RGL1: variants seen among roughly 807,000 people sequenced by gnomAD.
The protein encoded by RGL1 is ral guanine nucleotide dissociation stimulator-like 1.
RGL1 carries 24 observed loss-of-function variants against 95.2 expected under a neutral mutation model. That is an observed-to-expected ratio of 0.25 (90% CI 0.18 to 0.35). The LOEUF (loss-of-function observed/expected upper bound fraction) is 0.35, where lower values mean the gene tolerates loss of function less well. RGL1 is among the 10% of genes least tolerant of loss of function. The pLI, the probability that RGL1 is intolerant of heterozygous loss-of-function variation, is 1.00. For synonymous variants in RGL1, 329 were observed against 344.9 expected (o/e 0.95, Z 0.51); for missense variants, 715 against 936.3 (o/e 0.76, Z 3.08).
chr1:183,845,777 C>A (rs1008164911), intron 2 of RGL1, among the ~76,000 whole-genome samples: 1 of 152,154 alleles, frequency 6.6e-6, no homozygotes, highest in Admixed American at 6.5e-5. Flanking sequence ...ATACTCCAAC[C>A]ATGGCCAGTT....
chr1:183,842,298 TCAGA>T lies in RGL1; in HGVS notation c.139-5267_139-5264del, dbSNP rs1376779223. On this transcript the variant is annotated intron_variant, in intron 2 of 17. Coordinates refer to ENST00000360851, the MANE Select transcript of RGL1 (RefSeq NM_001297671.3). ...GCTTAACACGTTCCCTGTTAAACTA[TCAGA>T]TGACTGAATTATTATTTTGATTGAA... Among the ~76,000 whole-genome samples, 10 of 151,580 alleles carry T rather than the reference TCAGA, an allele frequency of 6.6e-5. No homozygotes were observed. In the South Asian group the frequency reaches 2.1e-3, roughly 32 times the overall value.
intron 9 of RGL1, among the ~76,000 whole-genome samples, chr1:183,894,619 A>G (rs1199354060): frequency 6.6e-6 from 1 of 152,120 alleles, no homozygotes; most frequent in African/African-American, 2.4e-5. Flanking sequence ...ACTAGGAAAA[A>G]CTACCGGCCT....
chr1:183,814,704 G>A (rs1262252714), intron 2 of RGL1, among the ~76,000 whole-genome samples: 1 of 152,056 alleles, frequency 6.6e-6, no homozygotes, highest in East Asian at 1.9e-4. Context: ...CAATTTGAAG[G>A]CAAAAAGCAA....
At chr1:183,901,482 G>A (rs559033488) in intron 11 of RGL1, among the ~76,000 whole-genome samples, 1 of 152,236 alleles carries the variant, frequency 6.6e-6, no homozygotes, top group Non-Finnish European at 1.5e-5. Flanking sequence ...AGGTGCCAGA[G>A]TGAGACTCGG....
intron 13 of RGL1, among the ~76,000 whole-genome samples, chr1:183,906,566 C>G (rs1189078440): frequency 9.9e-5 from 15 of 152,076 alleles, no homozygotes; most frequent in Non-Finnish European, 2.2e-4. Flanking sequence ...TCTTCATTTT[C>G]TTTAGATAAA....
At chr1:183,883,622 A>G (rs1297875034) in intron 5 of RGL1, among the ~76,000 whole-genome samples, 164 bp from the exon 6 acceptor site, 1 of 152,244 alleles carries the variant, frequency 6.6e-6, no homozygotes, top group East Asian at 1.9e-4. Context: ...AGAGATGGGA[A>G]GATCTCCATT....
intron 3 of RGL1, among the ~76,000 whole-genome samples, chr1:183,865,617 C>T (rs1370901820): frequency 1.3e-5 from 2 of 152,254 alleles, no homozygotes; most frequent in African/African-American, 4.8e-5. Context: ...CATAGACATG[C>T]AGAGGGGTTG....
chr1:183,885,323 C>G (rs1269294328), intron 7 of RGL1, among the ~76,000 whole-genome samples: 1 of 152,126 alleles, frequency 6.6e-6, no homozygotes, highest in Non-Finnish European at 1.5e-5. Flanking sequence ...GCCCTTCAAC[C>G]CAGAGTGATT....
intron 8 of RGL1, among the ~76,000 whole-genome samples, chr1:183,889,296 T>G (rs969682507): frequency 1.8e-4 from 27 of 152,286 alleles, no homozygotes; most frequent in African/African-American, 6.0e-4. Flanking sequence ...GGCTGGGGAT[T>G]GTGTCATGAG....
rs562282614 is a variant in RGL1 at position 183,703,011 on chromosome 1, G to C, written c.-32-39115G>C. On this transcript the variant is annotated intron_variant, in intron 1 of 18. Transcript: ENST00000304685. Reference sequence around the variant, plus strand: ...CAGCAGTACCTCTCTCGGTCTTCAGGGGGTACATGTCTTCCGGCCAGTTCT... The same window carrying C: ...CAGCAGTACCTCTCTCGGTCTTCAGCGGGTACATGTCTTCCGGCCAGTTCT... Among the ~76,000 whole-genome samples the C allele has an allele frequency of 3.9e-5, 6 of 152,226 alleles. No homozygotes were observed. The East Asian group carries it at 9.7e-4, about 24-fold the overall frequency.
At chr1:183,745,664 A>G (rs1006293519) in intron 2 of RGL1, among the ~76,000 whole-genome samples, 9 of 152,160 alleles carry the variant, frequency 5.9e-5, no homozygotes, top group African/African-American at 2.2e-4. Context: ...TAGCTCTAAA[A>G]AAAAGCCCCG....
intron 2 of RGL1, among the ~76,000 whole-genome samples, chr1:183,760,700 G>T (rs915085079): frequency 3.3e-5 from 5 of 151,980 alleles, no homozygotes; most frequent in African/African-American, 1.2e-4. Context: ...CTGTAGTGAG[G>T]TATGATTGCA....
intron 1 of RGL1, among the ~76,000 whole-genome samples, chr1:183,738,753 T>C (rs1226272286): frequency 6.6e-6 from 1 of 151,834 alleles, no homozygotes; most frequent in Non-Finnish European, 1.5e-5. Context: ...ATACAAAAAT[T>C]AGCTGGGCGT....
intron 1 of RGL1, among the ~76,000 whole-genome samples, chr1:183,655,408 C>T (rs1248601233): frequency 6.6e-6 from 1 of 152,220 alleles, no homozygotes; most frequent in Admixed American, 6.5e-5. Flanking sequence ...TATAATTCAT[C>T]ACTTTAGTAG....
rs571381927 is a variant in RGL1, at chr1:183,908,053, C to CAT, written c.1562+962_1562+963dup. Among the ~76,000 whole-genome samples, 72 of 151,992 alleles carry CAT rather than the reference C, an allele frequency of 4.7e-4. 1 individual carries two copies. The South Asian group carries it at 0.011, about 24-fold the overall frequency. On this transcript the variant is annotated intron_variant, in intron 14 of 17. Transcript: ENST00000360851. ...AAATATATATATATATTTATACACA[C>CAT]ATATATATATACACATACATATATA...
intron 1 of RGL1, among the ~76,000 whole-genome samples, chr1:183,645,274 G>C (rs961738273): frequency 2.0e-5 from 3 of 152,046 alleles, no homozygotes; most frequent in African/African-American, 7.2e-5. Context: ...AATCTCAAGA[G>C]GTTTGTTAAT....
At chr1:183,795,442 T>A (rs77778062) in intron 2 of RGL1, among the ~76,000 whole-genome samples, 120 of 152,266 alleles carry the variant, frequency 7.9e-4, no homozygotes, top group African/African-American at 2.8e-3. Flanking sequence ...GGTATTTAAC[T>A]GAGGTGGGAG....
chr1:183,664,663 GATAAA>G (rs144577926), intron 1 of RGL1, among the ~76,000 whole-genome samples: 10,413 of 151,596 alleles, frequency 0.069, 618 homozygotes, highest in African/African-American at 0.16. Flanking sequence ...CTAGTCTTAA[GATAAA>G]TGGGAAAATT....
chr1:183,691,339 A>T (rs1653934792), intron 1 of RGL1, among the ~76,000 whole-genome samples: 1 of 152,192 alleles, frequency 6.6e-6, no homozygotes, highest in South Asian at 2.1e-4. Flanking sequence ...GATAGGAGTG[A>T]TGGATTTCTA....
Sources: allele counts gnomAD v4.1 joint callset (sites outside exome capture counted in the v4.1 genomes callset), GRCh38; gene constraint gnomAD v4.1.1; transcripts MANE v1.5; gene names NCBI Gene and HGNC (gene_info 2026-07-23, HGNC 2026-07-21).